CLTRN: variants seen among roughly 807,000 people sequenced by gnomAD.
CLTRN encodes the protein collectrin, amino acid transport regulator, also known as collectrin.
In CLTRN, 12 loss-of-function variants were observed where a neutral mutation model predicts 14.5. That is an observed-to-expected ratio of 0.83 (90% CI 0.53 to 1.34). The LOEUF (loss-of-function observed/expected upper bound fraction) is 1.34. Ranked by LOEUF, CLTRN falls within the 40% of genes most tolerant of loss-of-function variation. The pLI, the probability that CLTRN is intolerant of heterozygous loss-of-function variation, is 0.00. For synonymous variants in CLTRN, 58 were observed against 56.5 expected (o/e 1.03, Z -0.12); for missense variants, 154 against 165.1 (o/e 0.93, Z 0.37).
chrX:15,640,066 G>A (rs769182216), intron 4 of CLTRN, among the ~76,000 whole-genome samples: 12 of 109,777 alleles, frequency 1.1e-4, no homozygotes, highest in Non-Finnish European at 1.7e-4. Flanking sequence ...TAAGGTAGAC[G>A]GAGGGACTCG....
intron 3 of CLTRN, among the ~76,000 whole-genome samples, chrX:15,654,026 A>G (rs780707140): frequency 8.9e-6 from 1 of 112,389 alleles, no homozygotes; most frequent in Non-Finnish European, 1.9e-5. Context: ...AGGTTTCTCT[A>G]AGAATTGGAT....
intron 3 of CLTRN, chrX:15,646,486 AG>A: frequency 1.0e-5 from 1 of 96,650 alleles, no homozygotes; most frequent in Non-Finnish European, 2.2e-5. Flanking sequence ...CCCCCGCGCC[AG>A]AAGCACTGGG....
chrX:15,636,371 A>G (rs1268396052), intron 5 of CLTRN, among the ~76,000 whole-genome samples: 1 of 112,141 alleles, frequency 8.9e-6, no homozygotes, highest in Non-Finnish European at 1.9e-5. Context: ...AAAAAGAAGG[A>G]AATCCTGACA....
intron 1 of CLTRN, among the ~76,000 whole-genome samples, chrX:15,674,317 G>C (rs1386612503): frequency 8.9e-6 from 1 of 111,763 alleles, no homozygotes; most frequent in East Asian, 2.8e-4. Context: ...GTGGTGTCTA[G>C]ACAGGACCTA....
At chrX:15,659,141 G>T in intron 2 of CLTRN, 40 bp from the exon 3 acceptor site, 1 of 795,193 alleles carries the variant, frequency 1.3e-6, no homozygotes. Context: ...GGGAAAATAT[G>T]GTCCATTGGT....
intron 5 of CLTRN, among the ~76,000 whole-genome samples, chrX:15,636,823 G>T (rs1281880760): frequency 9.0e-6 from 1 of 111,067 alleles, no homozygotes; most frequent in Non-Finnish European, 1.9e-5. Context: ...CAATCCTCAT[G>T]AAAGCCCTGT....
intron 1 of CLTRN, 120 bp downstream of exon 1, chrX:15,664,598 C>T (rs1306023211): frequency 8.0e-6 from 6 of 748,503 alleles, no homozygotes; most frequent in Non-Finnish European, 8.0e-6. Flanking sequence ...ACACTCACTG[C>T]CCCAACTTTC....
At chrX:15,666,961 G>C (rs751843077), upstream of CLTRN, among the ~76,000 whole-genome samples, 9 of 112,050 alleles carry the variant, frequency 8.0e-5, no homozygotes, top group East Asian at 2.5e-3. Context: ...TCAGCGGCTG[G>C]GCACAGTGCC....
At chrX:15,666,081 T>C (rs1221688756), upstream of CLTRN, among the ~76,000 whole-genome samples, 1 of 111,728 alleles carries the variant, frequency 9.0e-6, no homozygotes, top group Admixed American at 9.5e-5. Flanking sequence ...GGTACCTACT[T>C]GAGGATAGTG....
chrX:15,662,633 CAGG>C (rs753639730), intron 2 of CLTRN, among the ~76,000 whole-genome samples: 2 of 111,717 alleles, frequency 1.8e-5, no homozygotes, highest in Non-Finnish European at 3.8e-5. Context: ...AAAATTCTCC[CAGG>C]AGTTGTCCAC....
chrX:15,670,912 G>A (rs1420456473), intron 1 of CLTRN, among the ~76,000 whole-genome samples: 2 of 102,732 alleles, frequency 1.9e-5, no homozygotes, highest in Non-Finnish European at 3.9e-5. Context: ...GTGTGTGTGT[G>A]TGTGTGTGTG....
intron 1 of CLTRN, among the ~76,000 whole-genome samples, chrX:15,673,068 TAACAACTTATGACAC>T (rs1416695387): frequency 1.8e-5 from 2 of 112,449 alleles, no homozygotes; most frequent in Non-Finnish European, 3.8e-5. Flanking sequence ...AATGTGGGTG[TAACAACTTATGACAC>T]TTATTTCCCA....
chrX:15,666,935 A>G (rs970657277), upstream of CLTRN, among the ~76,000 whole-genome samples: 1 of 112,738 alleles, frequency 8.9e-6, no homozygotes, highest in Non-Finnish European at 1.9e-5. Context: ...CTATGCTAAG[A>G]ACATAGAAAT....
chrX:15,665,081 C>T (rs747926688), upstream of CLTRN: 13 of 257,953 alleles, frequency 5.0e-5, no homozygotes, highest in Non-Finnish European at 8.9e-5. Context: ...ACCCCTTCTG[C>T]GATTCTCTGG....
chrX:15,627,866 A>C lies in CLTRN; in HGVS notation c.*105T>G. ...CACATTCAAAATTTATTACAAAAGAAGAATGGTGAAACAAAATATATGATC... is the reference window on the plus strand; with the variant it reads ...CACATTCAAAATTTATTACAAAAGACGAATGGTGAAACAAAATATATGATC... On this transcript the variant is annotated 3_prime_UTR_variant, in exon 6 of 6. Coordinates refer to ENST00000380342, the MANE Select transcript of CLTRN (RefSeq NM_020665.6). 3.0e-6 allele frequency: 2 copies of C among 670,563 alleles called. No individual in the cohort carries two copies. Among genetic ancestry groups the C allele is most frequent in the Middle Eastern group, 3.5e-4 (1 of 2,825 alleles). The allele number at this position is 670,563 out of a possible 1,213,427, so 55.3% of individuals were successfully genotyped here. A position where few individuals can be genotyped will look rare whatever the true frequency, so the allele number is the denominator to read the frequency against.
chrX:15,646,462 A>ACCCCCCCC, intron 3 of CLTRN: 11 of 170,830 alleles, frequency 6.4e-5, no homozygotes, highest in Admixed American at 1.2e-4. Flanking sequence ...CCGCGCACCC[A>ACCCCCCCC]CCCCCCCGCC....
intron 3 of CLTRN, among the ~76,000 whole-genome samples, chrX:15,651,293 C>T (rs927796679): frequency 1.8e-5 from 2 of 111,351 alleles, no homozygotes; most frequent in South Asian, 3.8e-4. Flanking sequence ...CCTACTACAG[C>T]GGCCTTCAGA....
intron 3 of CLTRN, among the ~76,000 whole-genome samples, chrX:15,656,089 C>G (rs1256364307): frequency 1.8e-5 from 2 of 112,066 alleles, no homozygotes; most frequent in Non-Finnish European, 3.8e-5. Flanking sequence ...AGCCCACACC[C>G]TCAGCCTCTC....
chrX:15,647,033 G>A (rs1158575917), intron 3 of CLTRN, among the ~76,000 whole-genome samples: 5 of 112,548 alleles, frequency 4.4e-5, no homozygotes, highest in Non-Finnish European at 7.5e-5. Flanking sequence ...GCGCCCGGTC[G>A]CCGCAGGAGC....
Sources: gnomAD v4.1 joint callset for allele counts (sites outside exome capture counted in the v4.1 genomes callset) on GRCh38, gnomAD v4.1.1 for gene constraint, MANE v1.5 for transcripts, NCBI Gene and HGNC (gene_info 2026-07-23, HGNC 2026-07-21) for gene names.